The following PACS1 variants were observed in gnomAD, a reference collection of about 807,000 sequenced individuals.
PACS1 encodes the protein phosphofurin acidic cluster sorting protein 1, also known as PACS-1.
A neutral mutation model predicts 115.0 loss-of-function variants in PACS1; 24 were observed. The observed-to-expected ratio is 0.21, with a 90% confidence interval of 0.15 to 0.29. PACS1 has a LOEUF of 0.29. PACS1 is among the 10% of genes least tolerant of loss of function. The probability of loss-of-function intolerance (pLI) is 1.00; values close to 1 mark genes in which losing one functional copy is unlikely to be tolerated. For missense variants in PACS1, 838 were observed against 1,251.2 expected (o/e 0.67, Z 4.98); for synonymous variants, 453 against 504.5 (o/e 0.90, Z 1.37).
At chr11:66,072,683 C>G (rs1857329520) in intron 1 of PACS1, among the ~76,000 whole-genome samples, 2 of 152,222 alleles carry the variant, frequency 1.3e-5, no homozygotes, top group Non-Finnish European at 2.9e-5. Flanking sequence ...TCTATACAGG[C>G]CCATCTATCG....
chr11:66,093,419 T>G (rs1857709252), intron 1 of PACS1, among the ~76,000 whole-genome samples: 1 of 146,352 alleles, frequency 6.8e-6, no homozygotes, highest in Non-Finnish European at 1.5e-5. Context: ...AAACAGACTT[T>G]AAACCAACAA....
chr11:66,075,415 A>AT (rs1166650030), intron 1 of PACS1, among the ~76,000 whole-genome samples: 3 of 151,236 alleles, frequency 2.0e-5, no homozygotes, highest in Admixed American at 1.3e-4. Context: ...TGATTTTAAG[A>AT]TTTTTTTGTA....
chr11:66,191,922 C>T (rs1414788610), intron 1 of PACS1, among the ~76,000 whole-genome samples: 2 of 151,946 alleles, frequency 1.3e-5, no homozygotes, highest in Non-Finnish European at 2.9e-5. Context: ...ACCCAGGAGG[C>T]TGAGGCAGCA....
intron 1 of PACS1, among the ~76,000 whole-genome samples, chr11:66,089,650 AG>A (rs775296294): frequency 5.3e-5 from 8 of 152,312 alleles, no homozygotes; most frequent in Admixed American, 2.0e-4. Context: ...CTGACTACTC[AG>A]AGTTCTTGGG....
chr11:66,205,336 A>G (rs2134691562), intron 2 of PACS1, among the ~76,000 whole-genome samples: 1 of 151,400 alleles, frequency 6.6e-6, no homozygotes, highest in Non-Finnish European at 1.5e-5. Flanking sequence ...AAGATCTGAT[A>G]TTTGATAGTG....
intron 1 of PACS1, among the ~76,000 whole-genome samples, chr11:66,166,977 C>T (rs1859619111): frequency 6.7e-6 from 1 of 150,182 alleles, no homozygotes; most frequent in Admixed American, 6.6e-5. Context: ...TATGTTTAGC[C>T]TCAAAAGATG....
chr11:66,137,009 T>C (rs1858859828), intron 1 of PACS1, among the ~76,000 whole-genome samples: 1 of 144,256 alleles, frequency 6.9e-6, no homozygotes, highest in South Asian at 2.2e-4. Flanking sequence ...GTCTTGGATA[T>C]GAGTCACAAA....
At chr11:66,237,332 G>A (rs1282226733) in intron 19 of PACS1, among the ~76,000 whole-genome samples, 1 of 152,252 alleles carries the variant, frequency 6.6e-6, no homozygotes, top group Admixed American at 6.5e-5. Context: ...AAAGTGCTGG[G>A]ATTACAGGCG....
In PACS1 at chr11:66,239,217, G is replaced by C; in HGVS notation, c.2369G>C (p.Arg790Pro). The C allele has an allele frequency of 6.2e-7, 1 of 1,613,972 alleles. No homozygotes were observed. Among genetic ancestry groups the C allele is most frequent in the Non-Finnish European group, 8.5e-7 (1 of 1,180,000 alleles). Residue 790 changes from arginine to proline, a missense_variant, in exon 21 of 24, where the codon CGA becomes CCA. Arg to Pro is a moderately radical substitution (Grantham distance 103). Coordinates refer to ENST00000320580, the MANE Select transcript of PACS1 (RefSeq NM_018026.4). ...TSPPSSSGLS[R>P]DATATPPSSP... is the part of the protein sequence containing the mutation. Reference sequence around the variant, plus strand: ...CCACCCTCCAGCTCGGGCCTGAGCCGAGACGCCACGGCCACCCCTCCCTCC... The same window carrying C: ...CCACCCTCCAGCTCGGGCCTGAGCCCAGACGCCACGGCCACCCCTCCCTCC...
intron 1 of PACS1, 144 bp from the exon 2 acceptor site, chr11:66,193,342 T>C (rs1854571867): frequency 1.7e-6 from 1 of 586,000 alleles, no homozygotes; most frequent in Non-Finnish European, 3.2e-6. Flanking sequence ...GGGATGCTCT[T>C]CTACTGAGAG....
At chr11:66,166,044 C>G (rs1028150787) in intron 1 of PACS1, among the ~76,000 whole-genome samples, 6 of 152,168 alleles carry the variant, frequency 3.9e-5, no homozygotes, top group Non-Finnish European at 1.5e-5. Context: ...TTCTATCACC[C>G]CTTTGTTTAT....
intron 10 of PACS1, among the ~76,000 whole-genome samples, chr11:66,225,274 C>T (rs150660135): frequency 2.7e-4 from 41 of 152,346 alleles, no homozygotes; most frequent in African/African-American, 9.9e-4. Flanking sequence ...GTGCAGACTT[C>T]TGGGACCTCT....
At chr11:66,074,301 C>T (rs1408611053) in intron 1 of PACS1, among the ~76,000 whole-genome samples, 3 of 152,096 alleles carry the variant, frequency 2.0e-5, no homozygotes, top group African/African-American at 7.2e-5. Flanking sequence ...GCATTGTTTT[C>T]CCTTCATGCT....
chr11:66,220,936 A>T, intron 9 of PACS1, 145 bp downstream of exon 9: 2 of 1,038,642 alleles, frequency 1.9e-6, no homozygotes, highest in Non-Finnish European at 2.8e-6. Context: ...GGAGAAGGTC[A>T]CTGTTTTGCC....
chr11:66,177,546 G>A (rs1859895503), intron 1 of PACS1, among the ~76,000 whole-genome samples: 1 of 152,138 alleles, frequency 6.6e-6, no homozygotes, highest in East Asian at 1.9e-4. Context: ...TGGCAGGTGT[G>A]CTGATTTGCT....
intron 1 of PACS1, among the ~76,000 whole-genome samples, chr11:66,075,243 T>C (rs1365040390): frequency 1.3e-5 from 2 of 151,862 alleles, no homozygotes; most frequent in Admixed American, 1.3e-4. Flanking sequence ...ATGCCCAGCC[T>C]TTGTTTTGTT....
At chr11:66,227,394 T>G in intron 10 of PACS1, 110 bp from the exon 11 acceptor site, 2 of 662,462 alleles carry the variant, frequency 3.0e-6, no homozygotes, top group Non-Finnish European at 5.3e-6. Flanking sequence ...GAAGATTTTA[T>G]GAGGTTTGAG....
At chr11:66,174,812 C>G (rs2134645246) in intron 1 of PACS1, among the ~76,000 whole-genome samples, 1 of 152,232 alleles carries the variant, frequency 6.6e-6, no homozygotes, top group East Asian at 1.9e-4. Flanking sequence ...GATGGTTGCA[C>G]TATCTAACAA....
In PACS1 at chr11:66,232,183, G is replaced by T. The variant is rs777862656; in HGVS notation, c.1638G>T (p.Lys546Asn). 1 of 1,611,462 alleles carries T rather than the reference G, an allele frequency of 6.2e-7. No homozygotes were observed. Among genetic ancestry groups the T allele is most frequent in the South Asian group, 1.1e-5 (1 of 91,006 alleles). The change falls in exon 14 of 24, where the codon AAG (lysine) becomes AAT (asparagine). Residue 546 changes from lysine to asparagine, a missense_variant. By Grantham distance (94) the Lys-to-Asn change is moderately conservative (BLOSUM62 0). Transcript: ENST00000320580. ...DLGHSTQIPR[K>N]VVYDQLNQIL... ...TTTTGTTCCTGCAGATTCCAAGAAAGGTGGTGTATGACCAGCTCAATCAGA... is the reference window on the plus strand; with the variant it reads ...TTTTGTTCCTGCAGATTCCAAGAAATGTGGTGTATGACCAGCTCAATCAGA...
Sources: gnomAD v4.1 joint callset for allele counts (sites outside exome capture counted in the v4.1 genomes callset) on GRCh38, gnomAD v4.1.1 for gene constraint, MANE v1.5 for transcripts, NCBI Gene and HGNC (gene_info 2026-07-23, HGNC 2026-07-21) for gene names.